Variants in DSN1 observed in about 807,000 individuals in gnomAD.
DSN1 encodes the protein DSN1 component of MIS12 kinetochore complex.
Under a neutral mutation model 45.7 loss-of-function variants are expected in DSN1, and 31 were observed. The ratio of observed to expected loss-of-function variants is 0.68; its 90% CI spans 0.51 to 0.92. DSN1 has a LOEUF of 0.92. DSN1 is among the 40% of genes least tolerant of loss of function. The pLI is 0.00. For synonymous variants in DSN1, 134 were observed against 142.3 expected (o/e 0.94, Z 0.41); for missense variants, 394 against 414.2 (o/e 0.95, Z 0.42).
At chr20:36,764,595 A>G (rs970962828) in intron 5 of DSN1, among the ~76,000 whole-genome samples, 8 of 152,182 alleles carry the variant, frequency 5.3e-5, no homozygotes, top group East Asian at 1.9e-4. Context: ...CCTACCAATC[A>G]ATGTAAAAGA....
intron 10 of DSN1, 108 bp from the exon 11 acceptor site, chr20:36,753,005 CAAAT>C: frequency 1.2e-6 from 1 of 858,948 alleles, no homozygotes; most frequent in South Asian, 1.5e-5. Flanking sequence ...ATTACAAAGA[CAAAT>C]AAGAGAGTCT....
intron 8 of DSN1, among the ~76,000 whole-genome samples, 191 bp downstream of exon 8, chr20:36,757,896 C>T (rs1230168353): frequency 2.0e-5 from 3 of 152,234 alleles, no homozygotes; most frequent in Non-Finnish European, 4.4e-5. Context: ...AAAATAGTGA[C>T]ACCAACTCTT....
intron 6 of DSN1, 36 bp downstream of exon 6, chr20:36,762,425 A>T: frequency 6.3e-7 from 1 of 1,593,096 alleles, no homozygotes; most frequent in Non-Finnish European, 8.6e-7. Flanking sequence ...GTCCTAATTC[A>T]ATCATAATTT....
At chr20:36,773,319 T>C in intron 1 of DSN1, 1 of 961,018 alleles carries the variant, frequency 1.0e-6, no homozygotes, top group Non-Finnish European at 1.2e-6. Context: ...GCAAAAAGCC[T>C]GGCCCAAGCT....
chr20:36,766,666 G>T (rs915015512), intron 5 of DSN1, 103 bp downstream of exon 5: 37 of 997,610 alleles, frequency 3.7e-5, no homozygotes, highest in Non-Finnish European at 4.5e-5. Context: ...AACAAAAGGT[G>T]GGGGAGCTAG....
At chr20:36,766,664 G>A in intron 5 of DSN1, 105 bp downstream of exon 5, 1 of 991,206 alleles carries the variant, frequency 1.0e-6, no homozygotes, top group East Asian at 2.5e-5. Flanking sequence ...AAAACAAAAG[G>A]TGGGGGAGCT....
intron 6 of DSN1, among the ~76,000 whole-genome samples, chr20:36,760,242 T>G (rs1302000617): frequency 6.7e-6 from 1 of 148,512 alleles, no homozygotes; most frequent in Non-Finnish European, 1.5e-5. Flanking sequence ...AGACTCTGCC[T>G]CAAAAAAAAA....
chr20:36,759,705 G>A (rs899560994), intron 6 of DSN1, among the ~76,000 whole-genome samples: 8 of 151,172 alleles, frequency 5.3e-5, no homozygotes, highest in African/African-American at 1.9e-4. Flanking sequence ...GGATGGTTTC[G>A]ATCTCCTGAC....
At chr20:36,754,717 C>G in intron 10 of DSN1, 46 bp downstream of exon 10, 1 of 1,540,074 alleles carries the variant, frequency 6.5e-7, no homozygotes, top group Non-Finnish European at 9.0e-7. Context: ...CAAAGGCTAT[C>G]ATGGAAAACA....
At chr20:36,768,459 A>G (rs1987468677) in intron 3 of DSN1, among the ~76,000 whole-genome samples, 1 of 152,158 alleles carries the variant, frequency 6.6e-6, no homozygotes, top group South Asian at 2.1e-4. Context: ...ATGAGAATCA[A>G]AAGGGCTCAG....
chr20:36,769,179 A>T (rs893154081), intron 3 of DSN1, among the ~76,000 whole-genome samples: 1 of 152,208 alleles, frequency 6.6e-6, no homozygotes, highest in Non-Finnish European at 1.5e-5. Flanking sequence ...ACCGTTTTTT[A>T]AAATTATGTC....
At chr20:36,766,554 C>T (rs1396625714) in intron 5 of DSN1, among the ~76,000 whole-genome samples, 1 of 152,082 alleles carries the variant, frequency 6.6e-6, no homozygotes, top group African/African-American at 2.4e-5. Flanking sequence ...ACTCGGGGGG[C>T]TCAGGCAGGA....
At position 36,752,753 on chromosome 20, in the gene DSN1, C is replaced by T. The variant is rs1193076820; in HGVS notation, c.*35G>A. On this transcript the variant is annotated 3_prime_UTR_variant, in exon 11 of 11. Coordinates refer to ENST00000373750, the MANE Select transcript of DSN1 (RefSeq NM_001145315.2). ...CTGGGGCACTCTTCCCATTCCTCTCCTCTTGGGCACCTTGTGGCAGAAACT... is the reference window on the plus strand; with the variant it reads ...CTGGGGCACTCTTCCCATTCCTCTCTTCTTGGGCACCTTGTGGCAGAAACT... The T allele has an allele frequency of 5.1e-6, 8 of 1,579,668 alleles. No individual in the cohort carries two copies. The highest frequency in any genetic ancestry group is 4.5e-5 in the East Asian group (2 of 44,698).
intron 7 of DSN1, 151 bp downstream of exon 7, chr20:36,758,407 T>C (rs969035514): frequency 2.7e-6 from 2 of 732,242 alleles, no homozygotes; most frequent in East Asian, 2.7e-5. Flanking sequence ...GTAGAGTCCA[T>C]AAAAATCTCA....
chr20:36,771,667 A>G (rs956947851), intron 1 of DSN1, among the ~76,000 whole-genome samples, 194 bp from the exon 2 acceptor site: 1 of 152,234 alleles, frequency 6.6e-6, no homozygotes, highest in Non-Finnish European at 1.5e-5. Flanking sequence ...ATTGCTAGAA[A>G]TATTCAAATC....
At chr20:36,771,527 A>G (rs555597499) in intron 1 of DSN1, 54 bp from the exon 2 acceptor site, 38 of 1,553,134 alleles carry the variant, frequency 2.4e-5, no homozygotes, top group African/African-American at 2.2e-4. Context: ...TGCAGTCTCA[A>G]TGGGGCTTTA....
intron 8 of DSN1, among the ~76,000 whole-genome samples, chr20:36,757,269 T>C (rs1308156551): frequency 6.6e-6 from 1 of 151,880 alleles, no homozygotes; most frequent in African/African-American, 2.4e-5. Context: ...GGCAGGAGAA[T>C]CGCCTGAACT....
chr20:36,760,983 A>G (rs1160213349), intron 6 of DSN1, among the ~76,000 whole-genome samples: 1 of 152,220 alleles, frequency 6.6e-6, no homozygotes, highest in Non-Finnish European at 1.5e-5. Flanking sequence ...TTGTGAAGTC[A>G]AAACCTAAAG....
In DSN1 at chr20:36,759,404, C is replaced by T. The variant is rs549620950; in HGVS notation, c.591-787G>A. On this transcript the variant is annotated intron_variant, in intron 6 of 10. Coordinates refer to ENST00000373750, the MANE Select transcript of DSN1 (RefSeq NM_001145315.2). ...TGCTCAGATTACAGGTGGGAGCCAC[C>T]ATGCCCAGAATCCCTTACATAATTT... Among the ~76,000 whole-genome samples, 3 of 152,324 alleles carry T rather than the reference C, an allele frequency of 2.0e-5. No homozygotes were observed. The East Asian group carries it at 5.8e-4, about 29-fold the overall frequency.
Sources: gnomAD v4.1 joint callset for allele counts (sites outside exome capture counted in the v4.1 genomes callset) on GRCh38, gnomAD v4.1.1 for gene constraint, MANE v1.5 for transcripts, NCBI Gene and HGNC (gene_info 2026-07-23, HGNC 2026-07-21) for gene names.